XKR6: variants seen among roughly 807,000 people sequenced by gnomAD.
XKR6 encodes XK-related protein 6.
A neutral mutation model predicts 56.7 loss-of-function variants in XKR6; 22 were observed. The observed-to-expected ratio is 0.39, with a 90% confidence interval of 0.28 to 0.55. The LOEUF is 0.55. XKR6 is among the 20% of genes least tolerant of loss of function. The pLI is 0.66. For missense variants in XKR6, 852 were observed against 889.0 expected (o/e 0.96, Z 0.53); for synonymous variants, 524 against 387.8 (o/e 1.35, Z -4.13).
chr8:11,014,278 C>T lies in XKR6; in HGVS notation c.765-89448G>A, dbSNP rs1050969087. 3.3e-5 allele frequency among the ~76,000 whole-genome samples: 5 copies of T among 152,208 alleles called. No homozygotes were observed. In the East Asian group the frequency reaches 7.7e-4, roughly 23 times the overall value. ...AAGAAAAGACTCCAAAGGAGTGTAG[C>T]GGCCCTTAGCGCCCCTTCTGGAAAA... On this transcript the variant is annotated intron_variant, in intron 1 of 2. Transcript: ENST00000416569.
intron 1 of XKR6, among the ~76,000 whole-genome samples, chr8:11,029,823 C>T (rs376112181): frequency 3.9e-5 from 6 of 152,108 alleles, no homozygotes; most frequent in African/African-American, 1.4e-4. Flanking sequence ...TTTCAATTCT[C>T]AATTTCCCCT....
chr8:11,043,947 TA>T (rs1437814049), intron 1 of XKR6, among the ~76,000 whole-genome samples: 4 of 152,208 alleles, frequency 2.6e-5, no homozygotes, highest in Non-Finnish European at 5.9e-5. Context: ...AAGAATCAAC[TA>T]AGCTCTAACT....
At chr8:11,012,950 G>C (rs2129146347) in intron 1 of XKR6, among the ~76,000 whole-genome samples, 1 of 152,270 alleles carries the variant, frequency 6.6e-6, no homozygotes, top group South Asian at 2.1e-4. Context: ...CCAAGTTGTA[G>C]TATCTTGGCA....
chr8:11,110,648 C>G (rs1424972834), intron 1 of XKR6, among the ~76,000 whole-genome samples: 4 of 152,040 alleles, frequency 2.6e-5, no homozygotes, highest in African/African-American at 7.2e-5. Flanking sequence ...TGTATCTGCC[C>G]CAGAATGCTT....
At chr8:10,971,161 C>T (rs1392462163) in intron 1 of XKR6, among the ~76,000 whole-genome samples, 3 of 151,802 alleles carry the variant, frequency 2.0e-5, no homozygotes, top group African/African-American at 7.3e-5. Context: ...GTGGCTCACG[C>T]CTGTAATCCC....
intron 1 of XKR6, among the ~76,000 whole-genome samples, chr8:11,151,351 T>C (rs893468374): frequency 5.3e-5 from 8 of 152,214 alleles, no homozygotes; most frequent in African/African-American, 1.9e-4. Flanking sequence ...GCTAGGTGTG[T>C]ATAAAGAAAA....
intron 1 of XKR6, among the ~76,000 whole-genome samples, chr8:11,135,179 A>C (rs1382112202): frequency 1.3e-5 from 2 of 151,904 alleles, no homozygotes; most frequent in African/African-American, 4.8e-5. Flanking sequence ...ACAGGCGCCC[A>C]CCAACAAGCC....
intron 1 of XKR6, among the ~76,000 whole-genome samples, chr8:11,000,775 C>A (rs910642671): frequency 2.6e-5 from 4 of 152,222 alleles, no homozygotes; most frequent in African/African-American, 4.8e-5. Flanking sequence ...TTCATCTTCT[C>A]ATGGTGGAGA....
intron 1 of XKR6, among the ~76,000 whole-genome samples, chr8:11,126,636 G>T (rs944741560): frequency 3.3e-5 from 5 of 152,066 alleles, no homozygotes. Flanking sequence ...GTCACCTGCC[G>T]AATTTCCAAG....
At chr8:11,107,040 T>C (rs1353047018) in intron 1 of XKR6, among the ~76,000 whole-genome samples, 2 of 151,392 alleles carry the variant, frequency 1.3e-5, no homozygotes, top group African/African-American at 2.4e-5. Context: ...GAGCAAAACA[T>C]GACAATGAGA....
At chr8:10,953,317 A>T (rs139387531) in intron 1 of XKR6, among the ~76,000 whole-genome samples, 1 of 151,818 alleles carries the variant, frequency 6.6e-6, no homozygotes, top group African/African-American at 2.4e-5. Context: ...TTCTCTGGAG[A>T]TCTGGTTGTT....
At chr8:11,039,731 C>A (rs73196897) in intron 1 of XKR6, among the ~76,000 whole-genome samples, 12,343 of 152,308 alleles carry the variant, frequency 0.081, 536 homozygotes, top group Non-Finnish European at 0.1. Flanking sequence ...AGGACGGCAG[C>A]TGAGACCGTA....
chr8:11,096,968 C>A (rs1458648505), intron 1 of XKR6, among the ~76,000 whole-genome samples: 1 of 152,172 alleles, frequency 6.6e-6, no homozygotes, highest in Non-Finnish European at 1.5e-5. Flanking sequence ...ATTTGCACAT[C>A]CTTTGTACCA....
intron 1 of XKR6, among the ~76,000 whole-genome samples, chr8:10,958,284 G>C (rs1163077810): frequency 6.6e-6 from 1 of 152,230 alleles, no homozygotes; most frequent in Admixed American, 6.5e-5. Context: ...GAAGAGCCTG[G>C]GAAACAGAGG....
chr8:11,063,214 T>G (rs989474624), intron 1 of XKR6, among the ~76,000 whole-genome samples: 2 of 146,814 alleles, frequency 1.4e-5, no homozygotes, highest in Non-Finnish European at 3.0e-5. Flanking sequence ...AATAAATAAA[T>G]AAATAAATAA....
intron 1 of XKR6, among the ~76,000 whole-genome samples, chr8:11,128,232 G>A (rs533182232): frequency 6.6e-6 from 1 of 152,190 alleles, no homozygotes; most frequent in African/African-American, 2.4e-5. Context: ...CCAGACCTTC[G>A]CACTCCCCTT....
intron 1 of XKR6, among the ~76,000 whole-genome samples, chr8:11,113,034 G>T (rs1015549592): frequency 3.9e-5 from 6 of 152,132 alleles, no homozygotes; most frequent in Admixed American, 6.6e-5. Flanking sequence ...GATGTTTTCA[G>T]TTCCTTACAA....
At chr8:11,164,077 G>A (rs1331975728) in intron 1 of XKR6, among the ~76,000 whole-genome samples, 1 of 152,186 alleles carries the variant, frequency 6.6e-6, no homozygotes, top group Non-Finnish European at 1.5e-5. Flanking sequence ...CTACAGTGGG[G>A]AAGATAAACA....
chr8:11,168,207 A>C (rs1370257050), intron 1 of XKR6, among the ~76,000 whole-genome samples: 2 of 152,220 alleles, frequency 1.3e-5, no homozygotes, highest in African/African-American at 4.8e-5. Context: ...TAACTGACAG[A>C]ACATGTCCCT....
Sources: gnomAD v4.1 joint callset for allele counts (sites outside exome capture counted in the v4.1 genomes callset) on GRCh38, gnomAD v4.1.1 for gene constraint, MANE v1.5 for transcripts, NCBI Gene and HGNC (gene_info 2026-07-23, HGNC 2026-07-21) for gene names.